The following CCNY variants were observed in gnomAD, a reference collection of about 807,000 sequenced individuals.
CCNY encodes the protein cyclin Y, also known as cyclin-Y.
In CCNY, 19 loss-of-function variants were observed where a neutral mutation model predicts 42.8. The observed-to-expected ratio is 0.44, with a 90% CI of 0.31 to 0.65. The LOEUF (loss-of-function observed/expected upper bound fraction) is 0.65, where lower values mean the gene tolerates loss of function less well. Ranked by LOEUF, CCNY falls within the 30% of genes least tolerant of loss-of-function variation. The pLI is 0.07. For synonymous variants in CCNY, 165 were observed against 162.7 expected (o/e 1.01, Z -0.11); for missense variants, 370 against 437.3 (o/e 0.85, Z 1.37).
chr10:35,569,086 G>A lies in CCNY; in HGVS notation c.942G>A (p.Lys314=). The change falls in exon 10 of 10, where the codon AAG becomes AAA. Residue 314 remains lysine, a synonymous_variant. Transcript: ENST00000374704. ...CTCGCCTCTGCGAGGACAAGTACAA[G>A]GACCTAAGAAGATCCGCGAGGAAGC... ...AISRLCEDKY[K]DLRRSARKRS... 1 of 1,613,166 alleles carries A rather than the reference G, an allele frequency of 6.2e-7. No individual in the cohort carries two copies. Among genetic ancestry groups the A allele is most frequent in the Non-Finnish European group, 8.5e-7 (1 of 1,179,742 alleles).
At chr10:35,480,484 G>A (rs1276717365) in intron 1 of CCNY, among the ~76,000 whole-genome samples, 4 of 152,130 alleles carry the variant, frequency 2.6e-5, no homozygotes, top group Non-Finnish European at 1.5e-5. Context: ...TTTTCACCCT[G>A]AGCTTCTATG....
chr10:35,306,859 G>A (rs900466016), intron 3 of CCNY, among the ~76,000 whole-genome samples: 1 of 152,180 alleles, frequency 6.6e-6, no homozygotes, highest in Non-Finnish European at 1.5e-5. Context: ...GGGCCAGGAG[G>A]ATGGCAGGAG....
intron 3 of CCNY, among the ~76,000 whole-genome samples, chr10:35,292,249 A>G (rs1214752141): frequency 6.6e-6 from 1 of 152,190 alleles, no homozygotes; most frequent in African/African-American, 2.4e-5. Context: ...TATATTCTAT[A>G]TACAAGCCCC....
At chr10:35,398,183 C>T (rs185556824) in intron 1 of CCNY, among the ~76,000 whole-genome samples, 33 of 152,322 alleles carry the variant, frequency 2.2e-4, no homozygotes, top group Admixed American at 5.9e-4. Context: ...ATGAGAGCCA[C>T]CCCCTGGAGC....
At chr10:35,414,000 C>T (rs1261448878) in intron 1 of CCNY, among the ~76,000 whole-genome samples, 2 of 152,166 alleles carry the variant, frequency 1.3e-5, no homozygotes, top group African/African-American at 2.4e-5. Context: ...GAGCTGCTGT[C>T]AAAATGTAGA....
At chr10:35,525,726 T>C (rs1323176869) in intron 4 of CCNY, among the ~76,000 whole-genome samples, 1 of 152,192 alleles carries the variant, frequency 6.6e-6, no homozygotes, top group African/African-American at 2.4e-5. Flanking sequence ...TTTCTAAATA[T>C]CACTTGAAGT....
intron 3 of CCNY, among the ~76,000 whole-genome samples, chr10:35,503,407 CTG>C (rs1489538454): frequency 1.3e-5 from 2 of 152,208 alleles, no homozygotes; most frequent in East Asian, 3.9e-4. Context: ...ACCCTCTAAA[CTG>C]TGAACAGACC....
At chr10:35,505,843 C>G (rs964411636) in intron 3 of CCNY, among the ~76,000 whole-genome samples, 1 of 152,152 alleles carries the variant, frequency 6.6e-6, no homozygotes, top group African/African-American at 2.4e-5. Flanking sequence ...CCAGGATTTT[C>G]TGGGAGGAGT....
intron 2 of CCNY, among the ~76,000 whole-genome samples, chr10:35,499,223 G>A (rs1196735790): frequency 6.6e-6 from 1 of 152,166 alleles, no homozygotes; most frequent in Non-Finnish European, 1.5e-5. Context: ...AGGTTTAAGG[G>A]ACTTACAGTT....
intron 3 of CCNY, among the ~76,000 whole-genome samples, chr10:35,514,200 G>A (rs1251532428): frequency 1.3e-5 from 2 of 152,012 alleles, no homozygotes; most frequent in Non-Finnish European, 1.5e-5. Flanking sequence ...CACATTCTAT[G>A]AGTCTTGTAG....
chr10:35,373,234 T>C (rs1330904442), intron 1 of CCNY, among the ~76,000 whole-genome samples: 1 of 151,912 alleles, frequency 6.6e-6, no homozygotes, highest in Non-Finnish European at 1.5e-5. Context: ...ATTTACAGAG[T>C]GGGGATAATG....
At chr10:35,486,566 A>G (rs1839792355) in intron 2 of CCNY, among the ~76,000 whole-genome samples, 1 of 152,150 alleles carries the variant, frequency 6.6e-6, no homozygotes, top group East Asian at 1.9e-4. Context: ...TGCTGCCGCT[A>G]GCTGACAGGA....
intron 1 of CCNY, among the ~76,000 whole-genome samples, chr10:35,425,977 C>A (rs972847704): frequency 2.6e-5 from 4 of 152,030 alleles, no homozygotes; most frequent in African/African-American, 7.3e-5. Context: ...CTGCAGCTTC[C>A]TTTTCACCCT....
chr10:35,298,933 T>C (rs1835502443), intron 3 of CCNY, among the ~76,000 whole-genome samples: 1 of 152,220 alleles, frequency 6.6e-6, no homozygotes, highest in Admixed American at 6.5e-5. Flanking sequence ...TAAAATCATT[T>C]ATGTGTATGT....
At chr10:35,567,123 A>G (rs535076164) in intron 9 of CCNY, among the ~76,000 whole-genome samples, 39 of 152,368 alleles carry the variant, frequency 2.6e-4, no homozygotes, top group Non-Finnish European at 5.1e-4. Flanking sequence ...GATACTTCTC[A>G]GCATGCGCTT....
intron 1 of CCNY, among the ~76,000 whole-genome samples, chr10:35,372,790 C>T (rs1432194425): frequency 6.6e-6 from 1 of 152,224 alleles, no homozygotes; most frequent in Non-Finnish European, 1.5e-5. Context: ...ACCTCCACCT[C>T]CTGGGTTCAA....
chr10:35,370,308 C>T (rs936473905), intron 1 of CCNY, among the ~76,000 whole-genome samples: 6 of 152,040 alleles, frequency 3.9e-5, no homozygotes, highest in East Asian at 1.9e-4. Flanking sequence ...CCTGCCACCA[C>T]GCCCGGCTAA....
chr10:35,551,311 C>A (rs536299572), intron 7 of CCNY, among the ~76,000 whole-genome samples: 2 of 152,054 alleles, frequency 1.3e-5, no homozygotes, highest in Non-Finnish European at 2.9e-5. Context: ...CAAAACAAAA[C>A]AAAAAACCTT....
intron 1 of CCNY, among the ~76,000 whole-genome samples, chr10:35,378,547 A>G (rs1174860899): frequency 6.6e-6 from 1 of 151,950 alleles, no homozygotes; most frequent in Non-Finnish European, 1.5e-5. Flanking sequence ...GGTGGGGTGT[A>G]TGTGTGTTGA....
Sources: gnomAD v4.1 joint callset for allele counts (sites outside exome capture counted in the v4.1 genomes callset) on GRCh38, gnomAD v4.1.1 for gene constraint, MANE v1.5 for transcripts, NCBI Gene and HGNC (gene_info 2026-07-23, HGNC 2026-07-21) for gene names.